The following GPC5 variants were observed in gnomAD, a reference collection of about 807,000 sequenced individuals.
GPC5 encodes the protein glypican 5.
A neutral mutation model predicts 53.9 loss-of-function variants in GPC5; 47 were observed. The ratio of observed to expected loss-of-function variants is 0.87; its 90% confidence interval spans 0.69 to 1.11. The LOEUF (loss-of-function observed/expected upper bound fraction) is 1.11. Ranked by LOEUF, GPC5 falls within the 50% of genes most tolerant of loss-of-function variation. GPC5 has a pLI of 0.00. For synonymous variants in GPC5, 286 were observed against 263.3 expected (o/e 1.09, Z -0.84); for missense variants, 748 against 713.1 (o/e 1.05, Z -0.56).
intron 5 of GPC5, among the ~76,000 whole-genome samples, chr13:91,902,993 A>G (rs183132251): frequency 1.3e-5 from 2 of 151,534 alleles, no homozygotes; most frequent in Admixed American, 1.3e-4. Context: ...ATACATACAA[A>G]CAGTAAAACA....
intron 6 of GPC5, among the ~76,000 whole-genome samples, chr13:92,037,970 T>C (rs915568105): frequency 3.3e-5 from 5 of 152,090 alleles, no homozygotes; most frequent in African/African-American, 9.7e-5. Context: ...TTGATAAGAA[T>C]AGCCTAATGG....
intron 6 of GPC5, among the ~76,000 whole-genome samples, chr13:92,126,888 G>A (rs1032027573): frequency 6.6e-6 from 1 of 151,982 alleles, no homozygotes; most frequent in Non-Finnish European, 1.5e-5. Flanking sequence ...TAAATGCAGG[G>A]TACAATATAG....
chr13:91,902,762 G>GT (rs1397997197), intron 5 of GPC5, among the ~76,000 whole-genome samples: 4 of 151,922 alleles, frequency 2.6e-5, no homozygotes, highest in East Asian at 1.9e-4. Context: ...TAGAAACCAT[G>GT]TTTTTTTGCA....
At chr13:92,426,520 A>C (rs1298430225) in intron 7 of GPC5, among the ~76,000 whole-genome samples, 3 of 152,102 alleles carry the variant, frequency 2.0e-5, no homozygotes, top group Admixed American at 2.0e-4. Flanking sequence ...AGACTAGCTA[A>C]AATGTCAAGG....
intron 7 of GPC5, among the ~76,000 whole-genome samples, chr13:92,411,089 AC>A (rs776441437): frequency 6.6e-6 from 1 of 152,032 alleles, no homozygotes; most frequent in Non-Finnish European, 1.5e-5. Flanking sequence ...AAACAAACAA[AC>A]AAAAAAGACC....
At chr13:92,413,563 G>A (rs71427572) in intron 7 of GPC5, among the ~76,000 whole-genome samples, 2,196 of 152,202 alleles carry the variant, frequency 0.014, 30 homozygotes, top group Non-Finnish European at 0.023. Flanking sequence ...AGAATGAATT[G>A]GTGGAATGGG....
chr13:92,084,906 T>C (rs1336398008), intron 6 of GPC5, among the ~76,000 whole-genome samples: 1 of 152,152 alleles, frequency 6.6e-6, no homozygotes, highest in Non-Finnish European at 1.5e-5. Flanking sequence ...AACAGAAATA[T>C]ATTCCTCACA....
chr13:92,087,969 T>C (rs9589423), intron 6 of GPC5, among the ~76,000 whole-genome samples: 7,801 of 151,846 alleles, frequency 0.051, 664 homozygotes, highest in African/African-American at 0.18. Flanking sequence ...GGGGTCTCGC[T>C]ACATTGACCA....
At chr13:91,714,504 C>A (rs1371634663) in intron 3 of GPC5, among the ~76,000 whole-genome samples, 1 of 152,224 alleles carries the variant, frequency 6.6e-6, no homozygotes, top group South Asian at 2.1e-4. Flanking sequence ...ATATAATGCC[C>A]TATTTTTGTA....
chr13:92,674,799 T>C (rs1322549321), intron 7 of GPC5, among the ~76,000 whole-genome samples: 1 of 152,152 alleles, frequency 6.6e-6, no homozygotes, highest in Non-Finnish European at 1.5e-5. Context: ...ATTATAGATA[T>C]ATTTCTTTCA....
chr13:91,932,348 A>G (rs567851503), intron 6 of GPC5, among the ~76,000 whole-genome samples: 10 of 152,188 alleles, frequency 6.6e-5, no homozygotes, highest in African/African-American at 1.9e-4. Flanking sequence ...GCATGAGTCT[A>G]GAAAATTTCT....
At chr13:92,085,458 C>G (rs1384690138) in intron 6 of GPC5, among the ~76,000 whole-genome samples, 1 of 152,096 alleles carries the variant, frequency 6.6e-6, no homozygotes, top group Non-Finnish European at 1.5e-5. Context: ...AGAACAGACT[C>G]TCTAAGTAGT....
chr13:92,788,825 G>T (rs1309317197), intron 7 of GPC5, among the ~76,000 whole-genome samples: 1 of 152,176 alleles, frequency 6.6e-6, no homozygotes, highest in Non-Finnish European at 1.5e-5. Context: ...AGGAAAATGG[G>T]AAGCATTGGG....
chr13:91,800,271 C>A (rs1336768448), intron 5 of GPC5, among the ~76,000 whole-genome samples: 1 of 151,810 alleles, frequency 6.6e-6, no homozygotes, highest in Non-Finnish European at 1.5e-5. Context: ...AATTTATGTA[C>A]CTGAAAGTTA....
At chr13:92,054,528 T>C (rs1216388116) in intron 6 of GPC5, among the ~76,000 whole-genome samples, 1 of 152,158 alleles carries the variant, frequency 6.6e-6, no homozygotes, top group Non-Finnish European at 1.5e-5. Flanking sequence ...ATGCAATTTA[T>C]ATGAATAAAA....
At chr13:91,424,519 C>A (rs1173409335) in intron 1 of GPC5, among the ~76,000 whole-genome samples, 1 of 151,990 alleles carries the variant, frequency 6.6e-6, no homozygotes, top group African/African-American at 2.4e-5. Flanking sequence ...CATGTACCAC[C>A]ACGCCCAGCT....
intron 6 of GPC5, among the ~76,000 whole-genome samples, chr13:92,090,140 A>C (rs942609012): frequency 1.3e-5 from 2 of 152,258 alleles, no homozygotes; most frequent in African/African-American, 4.8e-5. Context: ...AAAGAGTGAA[A>C]AATTTCATTT....
At chr13:91,616,113 G>T (rs576528137) in intron 2 of GPC5, among the ~76,000 whole-genome samples, 2 of 152,078 alleles carry the variant, frequency 1.3e-5, no homozygotes, top group African/African-American at 4.8e-5. Context: ...AAAGAAACTC[G>T]TAGTAAGGGG....
At chr13:91,901,590 C>A (rs1313545339) in intron 5 of GPC5, among the ~76,000 whole-genome samples, 1 of 152,010 alleles carries the variant, frequency 6.6e-6, no homozygotes, top group African/African-American at 2.4e-5. Flanking sequence ...TTTGAGGAAA[C>A]TTACAAAAAC....
Sources: allele counts gnomAD v4.1 joint callset (sites outside exome capture counted in the v4.1 genomes callset), GRCh38; gene constraint gnomAD v4.1.1; transcripts MANE v1.5; gene names NCBI Gene and HGNC (gene_info 2026-07-23, HGNC 2026-07-21).